Variants in C1orf185 observed in about 807,000 individuals in gnomAD.
C1orf185 encodes the protein chromosome 1 open reading frame 185.
C1orf185 carries 13 observed loss-of-function variants against 16.1 expected under a neutral mutation model. That is an observed-to-expected ratio of 0.81 (90% confidence interval 0.53 to 1.28). The LOEUF (loss-of-function observed/expected upper bound fraction) is 1.28. Ranked by LOEUF, C1orf185 falls within the 50% of genes most tolerant of loss-of-function variation. The pLI is 0.00. For synonymous variants in C1orf185, 80 were observed against 76.9 expected (o/e 1.04, Z -0.21); for missense variants, 220 against 225.2 (o/e 0.98, Z 0.15).
At chr1:51,108,115 T>G (rs1011573605) in intron 1 of C1orf185, among the ~76,000 whole-genome samples, 16 of 152,230 alleles carry the variant, frequency 1.1e-4, no homozygotes, top group African/African-American at 3.6e-4. Context: ...CACCAGTGAA[T>G]GAGAGTTCAG....
chr1:51,132,324 T>A (rs1475342678), intron 3 of C1orf185, among the ~76,000 whole-genome samples: 1 of 152,070 alleles, frequency 6.6e-6, no homozygotes, highest in African/African-American at 2.4e-5. Context: ...TGAAACCCAG[T>A]GCAAGAAGCT....
chr1:51,142,872 T>C (rs1646374297), intron 3 of C1orf185, among the ~76,000 whole-genome samples: 1 of 152,120 alleles, frequency 6.6e-6, no homozygotes, highest in Non-Finnish European at 1.5e-5. Flanking sequence ...TCCCAGATTC[T>C]CATGCCTCAG....
At position 51,147,815 on chromosome 1, in the gene C1orf185, AACAC is replaced by A; in HGVS notation, c.*46_*49del. 1 of 1,409,580 alleles carries A rather than the reference AACAC, an allele frequency of 7.1e-7. No homozygotes were observed. The highest frequency in any genetic ancestry group is 9.4e-7 in the Non-Finnish European group (1 of 1,064,738). The allele number at this position is 1,409,580 out of a possible 1,614,324, so 87.3% of individuals were successfully genotyped here. On this transcript the variant is annotated 3_prime_UTR_variant, in exon 5 of 5. Transcript: ENST00000371759. ...CATTAAGGGAAAATGTTCATGAAGA[AACAC>A]AGAGGTTGAAATATAAAACCTTCAA...
chr1:51,123,494 T>G (rs1025421875), intron 3 of C1orf185, among the ~76,000 whole-genome samples: 7 of 152,230 alleles, frequency 4.6e-5, no homozygotes, highest in Non-Finnish European at 2.9e-5. Flanking sequence ...GAGGTTTTTG[T>G]ATAAACATAA....
chr1:51,111,374 C>CTTTCTTTTTTTTTT (rs1646118434), intron 1 of C1orf185, among the ~76,000 whole-genome samples: 2 of 133,984 alleles, frequency 1.5e-5, no homozygotes, highest in African/African-American at 6.4e-5. Flanking sequence ...TTCTTTCTTT[C>CTTTCTTTTTTTTTT]TTTTTTTTTT....
chr1:51,150,473 G>A (rs757115222), downstream of C1orf185, among the ~76,000 whole-genome samples: 50 of 152,080 alleles, frequency 3.3e-4, no homozygotes, highest in Non-Finnish European at 6.0e-4. Flanking sequence ...GATTACAGGC[G>A]TGAGCCACCA....
At chr1:51,117,162 G>C (rs1646164038) in intron 2 of C1orf185, among the ~76,000 whole-genome samples, 1 of 152,102 alleles carries the variant, frequency 6.6e-6, no homozygotes, top group Non-Finnish European at 1.5e-5. Context: ...ATAAAGCCTG[G>C]CACTTAGTAA....
chr1:51,133,235 A>G (rs182079247), intron 3 of C1orf185, among the ~76,000 whole-genome samples: 33 of 152,334 alleles, frequency 2.2e-4, no homozygotes, highest in Admixed American at 1.9e-3. Context: ...CAACTGGGCT[A>G]AATGCCTTAA....
At chr1:51,125,683 T>G (rs1162611472) in intron 3 of C1orf185, among the ~76,000 whole-genome samples, 9 of 152,164 alleles carry the variant, frequency 5.9e-5, no homozygotes, top group Non-Finnish European at 1.3e-4. Flanking sequence ...AGCTTCATTG[T>G]AAGGTCAACT....
intron 2 of C1orf185, among the ~76,000 whole-genome samples, chr1:51,115,576 A>C (rs1279373857): frequency 2.0e-5 from 3 of 152,230 alleles, no homozygotes; most frequent in African/African-American, 7.2e-5. Context: ...AATACCTAAA[A>C]CTAGAATTGT....
intron 3 of C1orf185, among the ~76,000 whole-genome samples, chr1:51,121,248 T>G (rs889280532): frequency 1.3e-5 from 2 of 152,050 alleles, no homozygotes; most frequent in African/African-American, 4.8e-5. Flanking sequence ...TTGACCAACA[T>G]CTCCTCTGTC....
In C1orf185 at chr1:51,118,801, G is replaced by T; in HGVS notation, c.258G>T (p.Gln86His). 6.9e-7 allele frequency: 1 copy of T among 1,440,742 alleles called. No individual in the cohort carries two copies. The highest frequency in any genetic ancestry group is 1.5e-5 in the South Asian group (1 of 64,902). 89.2% of individuals were successfully genotyped at this position (1,440,742 alleles called of 1,614,324 possible). ...TTCATACTGGGAGATTCCAATTACAGGTAGGGTGTAATATTTTATAGTAAT... is the reference window on the plus strand; with the variant it reads ...TTCATACTGGGAGATTCCAATTACATGTAGGGTGTAATATTTTATAGTAAT... ...RNFHTGRFQL[Q>H]EEQRKKEAAH... is the part of the protein sequence containing the mutation. Residue 86 changes from glutamine (Q) to histidine (H), a missense_variant and splice_region_variant, in exon 3 of 5, where the codon CAG becomes CAT. Transcript: ENST00000371759.
intron 2 of C1orf185, among the ~76,000 whole-genome samples, chr1:51,113,295 G>T (rs1172606855): frequency 2.6e-5 from 4 of 151,834 alleles, no homozygotes; most frequent in Admixed American, 2.6e-4. Flanking sequence ...GTAGTCTTTT[G>T]CCAGAAACAG....
intron 3 of C1orf185, among the ~76,000 whole-genome samples, chr1:51,130,857 T>C (rs1447001475): frequency 6.6e-6 from 1 of 152,214 alleles, no homozygotes; most frequent in Non-Finnish European, 1.5e-5. Context: ...TTGACTATCA[T>C]AGTTTTACAT....
intron 2 of C1orf185, among the ~76,000 whole-genome samples, chr1:51,114,671 C>T (rs1292417490): frequency 6.6e-6 from 1 of 152,106 alleles, no homozygotes; most frequent in Non-Finnish European, 1.5e-5. Context: ...TGCAGTGAGC[C>T]AAGATCCCAC....
At chr1:51,110,599 T>C (rs1263010018) in intron 1 of C1orf185, among the ~76,000 whole-genome samples, 1 of 152,220 alleles carries the variant, frequency 6.6e-6, no homozygotes, top group Admixed American at 6.5e-5. Context: ...CAATTAGTTT[T>C]ATACTCAATC....
At chr1:51,123,702 A>C (rs1366121404) in intron 3 of C1orf185, among the ~76,000 whole-genome samples, 1 of 152,164 alleles carries the variant, frequency 6.6e-6, no homozygotes, top group Non-Finnish European at 1.5e-5. Context: ...GAGTTTCACC[A>C]TTCTAACAAA....
rs766980794 is a variant in C1orf185, at chr1:51,145,708, A to G, written c.259-16A>G. 2 of 1,273,952 alleles carry G rather than the reference A, an allele frequency of 1.6e-6. No homozygotes were observed. Among genetic ancestry groups the G allele is most frequent in the Non-Finnish European group, 2.1e-6 (2 of 941,662 alleles). The allele number at this position is 1,273,952 out of a possible 1,614,324, so 78.9% of individuals were successfully genotyped here. A position where few individuals can be genotyped will look rare whatever the true frequency, so the allele number is the denominator to read the frequency against. On this transcript the variant is annotated splice_polypyrimidine_tract_variant and intron_variant, in intron 3 of 4. Coordinates refer to ENST00000371759, the MANE Select transcript of C1orf185 (RefSeq NM_001136508.2). Reference sequence around the variant, plus strand: ...TTATTCTGATTTTAAAACACAAATAACTTTTTTTAATGTAGGAGGAGCAAA... The same window carrying G: ...TTATTCTGATTTTAAAACACAAATAGCTTTTTTTAATGTAGGAGGAGCAAA...
intron 3 of C1orf185, among the ~76,000 whole-genome samples, chr1:51,133,561 T>C (rs1362514478): frequency 6.6e-6 from 1 of 152,116 alleles, no homozygotes; most frequent in Admixed American, 6.5e-5. Flanking sequence ...TAAAGCAAGT[T>C]CTTAGAGACC....
Sources: gnomAD v4.1 joint callset for allele counts (sites outside exome capture counted in the v4.1 genomes callset) on GRCh38, gnomAD v4.1.1 for gene constraint, MANE v1.5 for transcripts, NCBI Gene and HGNC (gene_info 2026-07-23, HGNC 2026-07-21) for gene names.